The following SH3D19 variants were observed in gnomAD, a reference collection of about 807,000 sequenced individuals.
The protein encoded by SH3D19 is SH3 domain containing 19, also known as SH3 domain-containing protein 19.
In SH3D19, 58 loss-of-function variants were observed where a neutral mutation model predicts 112.1. The observed-to-expected ratio is 0.52, with a 90% CI of 0.42 to 0.64. The LOEUF is 0.64. Ranked by LOEUF, SH3D19 falls within the 30% of genes least tolerant of loss-of-function variation. The pLI, the probability that SH3D19 is intolerant of heterozygous loss-of-function variation, is 0.00. For missense variants in SH3D19, 1,090 were observed against 1,263.4 expected (o/e 0.86, Z 2.08); for synonymous variants, 391 against 448.5 (o/e 0.87, Z 1.62).
chr4:151,244,126 T>C (rs1770756938), intron 1 of SH3D19, among the ~76,000 whole-genome samples: 1 of 152,204 alleles, frequency 6.6e-6, no homozygotes, highest in Non-Finnish European at 1.5e-5. Flanking sequence ...AAAAGTTTAT[T>C]TGACCCTTAA....
At chr4:151,275,952 C>T (rs1400513690) in intron 1 of SH3D19, among the ~76,000 whole-genome samples, 2 of 151,668 alleles carry the variant, frequency 1.3e-5, no homozygotes, top group East Asian at 3.9e-4. Flanking sequence ...AAGCGATTCT[C>T]CTGCCTCAGC....
intron 3 of SH3D19, among the ~76,000 whole-genome samples, chr4:151,185,381 T>C (rs542070903): frequency 6.6e-6 from 1 of 152,298 alleles, no homozygotes; most frequent in African/African-American, 2.4e-5. Context: ...TTTCCTATCC[T>C]GTGTACTTTC....
At chr4:151,161,271 G>A (rs1176993149) in intron 8 of SH3D19, among the ~76,000 whole-genome samples, 1 of 152,116 alleles carries the variant, frequency 6.6e-6, no homozygotes, top group Non-Finnish European at 1.5e-5. Context: ...GGGGAAAGGA[G>A]CTGACAGGTT....
chr4:151,214,012 A>T (rs1272489801), intron 2 of SH3D19, among the ~76,000 whole-genome samples: 39 of 149,952 alleles, frequency 2.6e-4, no homozygotes, highest in Admixed American at 6.7e-5. Flanking sequence ...GAGGACCCTG[A>T]GGCCTTCCGC....
At chr4:151,198,266 C>A (rs1420562353) in intron 2 of SH3D19, among the ~76,000 whole-genome samples, 1 of 147,240 alleles carries the variant, frequency 6.8e-6, no homozygotes, top group Non-Finnish European at 1.5e-5. Context: ...GATCACACCA[C>A]TGCACTCCAG....
At chr4:151,307,112 A>G (rs1176823120) in intron 1 of SH3D19, among the ~76,000 whole-genome samples, 6 of 140,092 alleles carry the variant, frequency 4.3e-5, no homozygotes, top group African/African-American at 1.1e-4. Flanking sequence ...TCCGCCTCCC[A>G]GGTTCACGCC....
chr4:151,133,358 C>G (rs187039828), intron 15 of SH3D19, 122 bp from the exon 16 acceptor site: 6 of 764,600 alleles, frequency 7.8e-6, no homozygotes, highest in African/African-American at 7.0e-5. Context: ...GTATACTAGG[C>G]TAATTTGAAA....
intron 1 of SH3D19, among the ~76,000 whole-genome samples, chr4:151,293,892 C>A (rs1248239979): frequency 2.0e-5 from 3 of 152,206 alleles, no homozygotes; most frequent in African/African-American, 7.2e-5. Context: ...CACCAGACTT[C>A]TGCATCTACT....
chr4:151,218,723 T>C (rs1237648273), intron 2 of SH3D19, among the ~76,000 whole-genome samples: 2 of 151,198 alleles, frequency 1.3e-5, no homozygotes, highest in African/African-American at 2.4e-5. Context: ...AATTTCACTA[T>C]TTATGACTTC....
At chr4:151,235,930 C>T (rs922346475) in intron 1 of SH3D19, among the ~76,000 whole-genome samples, 4 of 152,218 alleles carry the variant, frequency 2.6e-5, no homozygotes, top group African/African-American at 4.8e-5. Flanking sequence ...TAGTCATCTC[C>T]GTGTCCAGCA....
At chr4:151,252,737 G>A (rs1771513669) in intron 1 of SH3D19, among the ~76,000 whole-genome samples, 1 of 152,140 alleles carries the variant, frequency 6.6e-6, no homozygotes, top group Non-Finnish European at 1.5e-5. Flanking sequence ...TTAAACTTAT[G>A]CCTACAAATG....
chr4:151,229,905 ACT>A (rs1336138745), intron 1 of SH3D19, among the ~76,000 whole-genome samples: 1 of 152,104 alleles, frequency 6.6e-6, no homozygotes, highest in Non-Finnish European at 1.5e-5. Flanking sequence ...ACGGAGTGAA[ACT>A]CTGTCTCAAA....
intron 1 of SH3D19, among the ~76,000 whole-genome samples, chr4:151,243,768 A>G (rs944207164): frequency 1.3e-5 from 2 of 152,260 alleles, no homozygotes; most frequent in Admixed American, 1.3e-4. Flanking sequence ...TTCCAAAAAA[A>G]CTACTTATTT....
intron 2 of SH3D19, among the ~76,000 whole-genome samples, chr4:151,193,832 A>G (rs1387279277): frequency 1.3e-5 from 2 of 152,170 alleles, no homozygotes; most frequent in East Asian, 1.9e-4. Flanking sequence ...ATTGTGTTCA[A>G]TGGACACCTA....
At chr4:151,133,653 G>A (rs1372490649) in intron 15 of SH3D19, among the ~76,000 whole-genome samples, 3 of 152,108 alleles carry the variant, frequency 2.0e-5, no homozygotes, top group Non-Finnish European at 4.4e-5. Context: ...TACTAATCAG[G>A]GCAGAATGCA....
At chr4:151,157,262 A>G (rs899435191) in intron 9 of SH3D19, among the ~76,000 whole-genome samples, 4 of 151,970 alleles carry the variant, frequency 2.6e-5, no homozygotes, top group Non-Finnish European at 4.4e-5. Context: ...AAAAAAAGAA[A>G]AAAAAAAAAC....
intron 1 of SH3D19, among the ~76,000 whole-genome samples, chr4:151,251,838 C>T (rs1351566655): frequency 6.6e-6 from 1 of 152,164 alleles, no homozygotes; most frequent in Non-Finnish European, 1.5e-5. Flanking sequence ...CGCAGTCACA[C>T]TATTATTTTC....
At chr4:151,236,553 A>G (rs1280948663) in intron 1 of SH3D19, among the ~76,000 whole-genome samples, 1 of 152,176 alleles carries the variant, frequency 6.6e-6, no homozygotes, top group Non-Finnish European at 1.5e-5. Context: ...AAACGCACCA[A>G]TCAGCACTCT....
intron 1 of SH3D19, among the ~76,000 whole-genome samples, chr4:151,270,217 T>C (rs1340359277): frequency 2.0e-5 from 3 of 152,194 alleles, no homozygotes; most frequent in Non-Finnish European, 4.4e-5. Flanking sequence ...TCATGTTGAA[T>C]TGTAATCCCC....
Sources: allele counts gnomAD v4.1 joint callset (sites outside exome capture counted in the v4.1 genomes callset), GRCh38; gene constraint gnomAD v4.1.1; transcripts MANE v1.5; gene names NCBI Gene and HGNC (gene_info 2026-07-23, HGNC 2026-07-21).